The following PRKN variants were observed in gnomAD, a reference collection of about 807,000 sequenced individuals.
The protein encoded by PRKN is parkin RBR E3 ubiquitin protein ligase, also known as E3 ubiquitin-protein ligase parkin.
Under a neutral mutation model 59.5 loss-of-function variants are expected in PRKN, and 56 were observed. That is an observed-to-expected ratio of 0.94 (90% confidence interval 0.76 to 1.18). The LOEUF (loss-of-function observed/expected upper bound fraction) is 1.18, where lower values mean the gene tolerates loss of function less well. Ranked by LOEUF, PRKN falls within the 50% of genes most tolerant of loss-of-function variation. PRKN has a pLI of 0.00. For missense variants in PRKN, 657 were observed against 596.4 expected, an observed-to-expected ratio of 1.10 and a Z score of -1.06; for synonymous variants, 250 against 222.1, an observed-to-expected ratio of 1.13 and a Z score of -1.12.
At chr6:162,158,517 C>T (rs1303439892) in intron 4 of PRKN, among the ~76,000 whole-genome samples, 1 of 151,700 alleles carries the variant, frequency 6.6e-6, no homozygotes, top group Non-Finnish European at 1.5e-5. Context: ...CTGCAATCTC[C>T]GCCTCCCGGG....
rs1023889330 is a variant in PRKN at position 162,034,541 on chromosome 6, T to C, written c.618+19550A>G. On this transcript the variant is annotated intron_variant, in intron 5 of 11. Coordinates refer to ENST00000366898, the MANE Select transcript of PRKN (RefSeq NM_004562.3). ...TTGCATAAAGTTTCACTTATAAAAA[T>C]TACACAAAACTTGAAAGGTGAACAG... Among the ~76,000 whole-genome samples, 5 of 106,804 alleles carry C rather than the reference T, an allele frequency of 4.7e-5. No homozygotes were observed. The Admixed American group carries it at 5.4e-4, about 12-fold the overall frequency. 70.1% of individuals were successfully genotyped at this position (106,804 alleles called of 152,430 possible).
In PRKN at chr6:161,418,573, G is replaced by A. The variant is rs182024501; in HGVS notation, c.1084-31696C>T. On this transcript the variant is annotated intron_variant, in intron 9 of 11. Coordinates refer to ENST00000366898, the MANE Select transcript of PRKN (RefSeq NM_004562.3). ...TAGTAAATAAACGTGATCATCTTCCGCCAGTAGGTGTCACTGTTCATTTAG... is the reference window on the plus strand; with the variant it reads ...TAGTAAATAAACGTGATCATCTTCCACCAGTAGGTGTCACTGTTCATTTAG... Among the ~76,000 whole-genome samples the A allele has an allele frequency of 8.5e-4, 129 of 152,242 alleles. 2 individuals are homozygous for A. Among genetic ancestry groups the A allele is most frequent in the African/African-American group, 3.0e-3 (123 of 41,530 alleles).
intron 2 of PRKN, among the ~76,000 whole-genome samples, chr6:162,324,814 G>A (rs904488709): frequency 6.6e-6 from 1 of 152,086 alleles, no homozygotes; most frequent in African/African-American, 2.4e-5. Flanking sequence ...GTATCGGCAT[G>A]AAGGGGAAGA....
rs1303809071 is a variant in PRKN, at chr6:161,487,290, G to T, written c.1083+61564C>A. On this transcript the variant is annotated intron_variant, in intron 9 of 11. Coordinates refer to ENST00000366898, the MANE Select transcript of PRKN (RefSeq NM_004562.3). This position sits in a 1 kb window ranked among gnomAD's most constrained non-coding sequence, Gnocchi z 5.3. The stretch of plus-strand genomic sequence containing the variant: ...GCTCAGTAACAACTGCTCAGTGAAG[G>T]GGCTGGGACTCCCAGCACTTGCCTG... Among the ~76,000 whole-genome samples the T allele has an allele frequency of 1.3e-5, 2 of 152,114 alleles. No homozygotes were observed. The highest frequency in any genetic ancestry group is 4.8e-5 in the African/African-American group (2 of 41,426).
intron 2 of PRKN, among the ~76,000 whole-genome samples, chr6:162,350,087 C>T (rs990343315): frequency 1.3e-5 from 2 of 152,036 alleles, no homozygotes; most frequent in African/African-American, 4.8e-5. Context: ...GTTAACACTA[C>T]CATTTACCAC....
At chr6:161,644,593 C>T (rs1582937553) in intron 7 of PRKN, among the ~76,000 whole-genome samples, 1 of 152,312 alleles carries the variant, frequency 6.6e-6, no homozygotes, top group East Asian at 1.9e-4. Flanking sequence ...GGGCGCCTGA[C>T]CTAGGCACTG....
At chr6:161,901,339 T>C (rs1311668854) in intron 6 of PRKN, among the ~76,000 whole-genome samples, 1 of 152,132 alleles carries the variant, frequency 6.6e-6, no homozygotes, top group Non-Finnish European at 1.5e-5. Flanking sequence ...GTCTCCAGTA[T>C]GTAGTTAAAC....
At chr6:162,009,330 T>C (rs191281206) in intron 5 of PRKN, among the ~76,000 whole-genome samples, 1 of 150,888 alleles carries the variant, frequency 6.6e-6, no homozygotes, top group African/African-American at 2.5e-5. Flanking sequence ...AATTTTGACA[T>C]AAAAATTGGG....
chr6:161,606,957 G>C (rs73595316), intron 7 of PRKN, among the ~76,000 whole-genome samples: 2 of 152,292 alleles, frequency 1.3e-5, no homozygotes, highest in Admixed American at 6.5e-5. Flanking sequence ...GCACAGCATG[G>C]GGGGGAGATG....
chr6:161,766,739 C>T (rs1789439433), intron 7 of PRKN, among the ~76,000 whole-genome samples: 1 of 152,114 alleles, frequency 6.6e-6, no homozygotes, highest in African/African-American at 2.4e-5. Context: ...TTTTTTCATG[C>T]TGAGTCTGAC....
chr6:162,383,748 C>T (rs144668299), intron 2 of PRKN, among the ~76,000 whole-genome samples: 185 of 152,130 alleles, frequency 1.2e-3, no homozygotes, highest in Non-Finnish European at 1.7e-3. Context: ...TAGCATCTTC[C>T]AATAGAAGGC....
At chr6:162,370,312 G>A (rs1253759325) in intron 2 of PRKN, among the ~76,000 whole-genome samples, 3 of 151,940 alleles carry the variant, frequency 2.0e-5, no homozygotes, top group African/African-American at 7.3e-5. Context: ...TTCGAATTCA[G>A]AGATTTTTTT....
At chr6:162,081,316 A>C (rs1779046616) in intron 4 of PRKN, among the ~76,000 whole-genome samples, 1 of 152,114 alleles carries the variant, frequency 6.6e-6, no homozygotes, top group Non-Finnish European at 1.5e-5. Flanking sequence ...GTGATCTATG[A>C]GAGCTATAGC....
chr6:162,515,477 C>G (rs1777809347), intron 1 of PRKN, among the ~76,000 whole-genome samples: 2 of 151,952 alleles, frequency 1.3e-5, no homozygotes, highest in African/African-American at 4.8e-5. Context: ...TTAATATGCT[C>G]ATAAAATCAG....
Position 161,349,542 on chromosome 6 carries a change from A to G in PRKN, c.*557T>C, listed in dbSNP as rs1030964785. On this transcript the variant is annotated 3_prime_UTR_variant, in exon 12 of 12. Transcript: ENST00000366898. The surrounding 1 kb of genome is among the most constrained non-coding windows in gnomAD (Gnocchi z 5.5). ...ATTGCCTGGGGTTCTTTGGGAATAG[A>G]TGCTTTCTGAAAATTTAAATAAGAA... 1 of 234,774 alleles carries G rather than the reference A, an allele frequency of 4.3e-6. No homozygotes were observed. The highest frequency in any genetic ancestry group is 8.4e-6 in the Non-Finnish European group (1 of 119,076). 14.5% of individuals were successfully genotyped at this position (234,774 alleles called of 1,614,324 possible). A position where few individuals can be genotyped will look rare whatever the true frequency, so the allele number is the denominator to read the frequency against.
chr6:161,859,627 A>G (rs1475251548), intron 6 of PRKN, among the ~76,000 whole-genome samples: 2 of 151,424 alleles, frequency 1.3e-5, no homozygotes, highest in African/African-American at 4.9e-5. Context: ...AAAAAAAAAA[A>G]AAGAGAAAGA....
At chr6:162,675,183 G>C (rs1047896420) in intron 1 of PRKN, among the ~76,000 whole-genome samples, 1 of 151,932 alleles carries the variant, frequency 6.6e-6, no homozygotes, top group African/African-American at 2.4e-5. Context: ...GAGTAGCTGG[G>C]ATTACAGGCA....
In PRKN at chr6:161,451,884, T is replaced by TA. The variant is rs1789751643; in HGVS notation, c.1084-65008dup. ...AAAATGGTGTCACCTTTAAACGTTG[T>TA]AAACTACATTTATAAATTTAAGACA... On this transcript the variant is annotated intron_variant, in intron 9 of 11. Coordinates refer to ENST00000366898, the MANE Select transcript of PRKN (RefSeq NM_004562.3). This position sits in a 1 kb window ranked among gnomAD's most constrained non-coding sequence, Gnocchi z 5.9. 6.6e-6 allele frequency among the ~76,000 whole-genome samples: 1 copy of TA among 152,212 alleles called. No homozygotes were observed. The highest frequency in any genetic ancestry group is 2.4e-5 in the African/African-American group (1 of 41,444).
rs1784874798 is a variant in PRKN at position 161,359,007 on chromosome 6, G to A, written c.1285+1081C>T. 2.0e-5 allele frequency among the ~76,000 whole-genome samples: 3 copies of A among 151,710 alleles called. No individual in the cohort carries two copies. The highest frequency in any genetic ancestry group is 7.3e-5 in the African/African-American group (3 of 41,298). ...GACGGGGTTTCACTGTGTTAGCCAG[G>A]ATGGTCTCGACCTCCTGACCTTGTG... On this transcript the variant is annotated intron_variant, in intron 11 of 11. Coordinates refer to ENST00000366898, the MANE Select transcript of PRKN (RefSeq NM_004562.3). This position sits in a 1 kb window ranked among gnomAD's most constrained non-coding sequence, Gnocchi z 5.4.
Sources: allele counts gnomAD v4.1 joint callset (sites outside exome capture counted in the v4.1 genomes callset), GRCh38; gene constraint gnomAD v4.1.1; non-coding constraint Gnocchi (gnomAD v3.1); transcripts MANE v1.5; gene names NCBI Gene and HGNC (gene_info 2026-07-23, HGNC 2026-07-21).